The following RNF40 variants were observed in gnomAD, a reference collection of about 807,000 sequenced individuals.
RNF40 encodes the protein E3 ubiquitin-protein ligase BRE1B.
Under a neutral mutation model 123.3 loss-of-function variants are expected in RNF40, and 39 were observed. The observed-to-expected ratio is 0.32, with a 90% CI of 0.24 to 0.41. The LOEUF is 0.41. Among genes scored for constraint, RNF40 ranks in the 10% least tolerant of loss-of-function variants. The probability of loss-of-function intolerance (pLI) is 1.00; values close to 1 mark genes in which losing one functional copy is unlikely to be tolerated. For missense variants in RNF40, 1,003 were observed against 1,319.9 expected (o/e 0.76, Z 3.72); for synonymous variants, 538 against 526.0 (o/e 1.02, Z -0.31).
Position 30,766,031 on chromosome 16 carries a change from CTTGGT to C in RNF40, c.994-127_994-123del, listed in dbSNP as rs1398177461. 9 of 1,289,144 alleles carry C rather than the reference CTTGGT, an allele frequency of 7.0e-6. No homozygotes were observed. The highest frequency in any genetic ancestry group is 9.8e-6 in the Non-Finnish European group (9 of 915,036). The allele number at this position is 1,289,144 out of a possible 1,614,324, so 79.9% of individuals were successfully genotyped here. A position where few individuals can be genotyped will look rare whatever the true frequency, so the allele number is the denominator to read the frequency against. ...TTTTCTGGGAGCCCTTAGGAAAGTA[CTTGGT>C]TTGGGGTGTCAGAATCGATCATTGC... On this transcript the variant is annotated intron_variant, in intron 8 of 19. Coordinates refer to ENST00000324685, the MANE Select transcript of RNF40 (RefSeq NM_014771.4). This position sits in a 1 kb window ranked among gnomAD's most constrained non-coding sequence, Gnocchi z 5.4.
chr16:30,765,101 A>G, intron 6 of RNF40, 42 bp downstream of exon 6: 2 of 1,611,706 alleles, frequency 1.2e-6, no homozygotes, highest in South Asian at 1.1e-5. Context: ...AGAATCAGGC[A>G]GGATTTGGGT....
chr16:30,771,859 G>A lies in RNF40; in HGVS notation c.2613G>A (p.Glu871=). The A allele has an allele frequency of 6.2e-7, 1 of 1,600,602 alleles. No homozygotes were observed. Among genetic ancestry groups the A allele is most frequent in the Non-Finnish European group, 8.5e-7 (1 of 1,172,102 alleles). ...CTGTAGAAGCCGCCCAGCTGGCCGA[G>A]GACCTGAAGGTGCAGCTGGAGCACG... ...RKAVEAAQLA[E]DLKVQLEHVQ... The change falls in exon 18 of 20, where the codon GAG becomes GAA. Residue 871 remains glutamate, a synonymous_variant. Transcript: ENST00000324685.
Position 30,774,441 on chromosome 16 carries a change from C to G in RNF40, c.*327C>G. 3.4e-6 allele frequency: 1 copy of G among 293,408 alleles called. No individual in the cohort carries two copies. The highest frequency in any genetic ancestry group is 6.4e-6 in the Non-Finnish European group (1 of 155,768). The allele number at this position is 293,408 out of a possible 1,614,324, so 18.2% of individuals were successfully genotyped here. On this transcript the variant is annotated 3_prime_UTR_variant, in exon 20 of 20. Transcript: ENST00000324685. ...ACCTGTCTGTCTCCGTGGATGCATC[C>G]TAACCCTAAGGAAAATTCCCCAGGC...
rs766676832 is a variant in RNF40 at position 30,774,086 on chromosome 16, A to G, written c.2978A>G (p.His993Arg). 1 of 1,613,868 alleles carries G rather than the reference A, an allele frequency of 6.2e-7. No homozygotes were observed. The highest frequency in any genetic ancestry group is 1.1e-5 in the South Asian group (1 of 91,070). Residue 993 changes from histidine (H) to arginine (R), a missense_variant, in exon 20 of 20, where the codon CAC becomes CGC. Physicochemically the swap from His to Arg is conservative, Grantham distance 29 (BLOSUM62 0). Around this residue, in one of 11 missense-constraint regions of RNF40, gnomAD observed 76 missense variants for 134.1 expected, o/e 0.57. Coordinates refer to ENST00000324685, the MANE Select transcript of RNF40 (RefSeq NM_014771.4). ...AAGTGCAACGCGGCCTTTGGTGCCC[A>G]CGACTTCCATCGTATCTACATCAGC... is the stretch of plus-strand genomic sequence containing the variant. ...CPKCNAAFGA[H>R]DFHRIYIS
At chr16:30,767,579 A>G (rs1231445022) in intron 11 of RNF40, 1 of 245,442 alleles carries the variant, frequency 4.1e-6, no homozygotes, top group Non-Finnish European at 8.0e-6. Flanking sequence ...CCAAGGTGGG[A>G]GGATCACTTG....
chr16:30,772,377 G>C (rs2054163652), intron 19 of RNF40, 187 bp downstream of exon 19: 1 of 671,994 alleles, frequency 1.5e-6, no homozygotes, highest in South Asian at 1.6e-5. Flanking sequence ...TGCTTGGCTG[G>C]GTGTGGGTTG....
chr16:30,767,777 C>A, intron 11 of RNF40, 117 bp from the exon 12 acceptor site: 1 of 1,386,874 alleles, frequency 7.2e-7, no homozygotes, highest in South Asian at 1.2e-5. Flanking sequence ...CCGTTGAGGC[C>A]GCAATGTTCC....
chr16:30,770,302 G>A (rs1040004641), intron 17 of RNF40, among the ~76,000 whole-genome samples: 1 of 151,894 alleles, frequency 6.6e-6, no homozygotes, highest in South Asian at 2.1e-4. Flanking sequence ...AGTAGAGACA[G>A]GGTTTCGCCA....
At chr16:30,767,661 C>A (rs900780351) in intron 11 of RNF40, 26 of 457,984 alleles carry the variant, frequency 5.7e-5, no homozygotes, top group African/African-American at 3.3e-4. Flanking sequence ...AAACAAAAAA[C>A]CCCACATATT....
chr16:30,764,468 C>A, intron 5 of RNF40, 83 bp downstream of exon 5: 1 of 1,265,444 alleles, frequency 7.9e-7, no homozygotes, highest in Non-Finnish European at 1.1e-6. Flanking sequence ...CCCTAATGCC[C>A]GAGTCCAAGG....
In RNF40 at chr16:30,762,645, G is replaced by C; in HGVS notation, c.100G>C (p.Glu34Gln). 1 of 1,613,094 alleles carries C rather than the reference G, an allele frequency of 6.2e-7. No homozygotes were observed. Among genetic ancestry groups the C allele is most frequent in the Non-Finnish European group, 8.5e-7 (1 of 1,179,850 alleles). The change falls in exon 2 of 20, where the codon GAG becomes CAG. Residue 34 changes from glutamate (E) to glutamine (Q), a missense_variant. By Grantham distance (29) the Glu-to-Gln change is conservative (BLOSUM62 2). Transcript: ENST00000324685. ...GGAGAAGACCACCACGACTCTTATC[G>C]AGCCCATTCGTCTTGGAGGCATCTC... ...REEKTTTTLI[E>Q]PIRLGGISST...
At chr16:30,770,422 AGCC>A (rs2054127920) in intron 17 of RNF40, among the ~76,000 whole-genome samples, 1 of 151,876 alleles carries the variant, frequency 6.6e-6, no homozygotes, top group Non-Finnish European at 1.5e-5. Flanking sequence ...TTTTGTTTTT[AGCC>A]TCGTTTTATA....
Position 30,772,346 on chromosome 16 carries a change from T to C in RNF40, c.2829+156T>C, listed in dbSNP as rs1053317254. 24 of 725,930 alleles carry C rather than the reference T, an allele frequency of 3.3e-5. No homozygotes were observed. The African/African-American group carries it at 3.6e-4, about 11-fold the overall frequency. 45.0% of individuals were successfully genotyped at this position (725,930 alleles called of 1,614,324 possible). ...AGAGTCAAATGCTGTTTGCTGTACA[T>C]GTACTGTGAGCCAGGCACAGTGCTT... On this transcript the variant is annotated intron_variant, in intron 19 of 19. Transcript: ENST00000324685.
chr16:30,762,409 G>A, intron 1 of RNF40, 49 bp downstream of exon 1: 1 of 923,924 alleles, frequency 1.1e-6, no homozygotes, highest in Non-Finnish European at 1.6e-6. Flanking sequence ...GTGTGTGCAG[G>A]GTGGAGGGTG....
rs750722518 is a variant in RNF40, at chr16:30,775,337, C to T, written c.*1223C>T. On this transcript the variant is annotated 3_prime_UTR_variant, in exon 20 of 20. Coordinates refer to ENST00000324685, the MANE Select transcript of RNF40 (RefSeq NM_014771.4). ...CCCGGACTGGGCCTGAAGGGGAGAG[C>T]GTGGTGGTCGTCGCGGAGCCGCCTG... 5 of 287,938 alleles carry T rather than the reference C, an allele frequency of 1.7e-5. No individual in the cohort carries two copies. The highest frequency in any genetic ancestry group is 3.4e-5 in the Non-Finnish European group (5 of 147,038). 17.8% of individuals were successfully genotyped at this position (287,938 alleles called of 1,614,324 possible).
rs1315576776 is a variant in RNF40, at chr16:30,762,351, C to A, written c.-81C>A. On this transcript the variant is annotated 5_prime_UTR_variant, in exon 1 of 20. Transcript: ENST00000324685. ...TCCAAGATGGCGGCGCTAGGCTGACCCTCCTGCTGGTGAGGGCTCTGGCGC... is the reference window on the plus strand; with the variant it reads ...TCCAAGATGGCGGCGCTAGGCTGACACTCCTGCTGGTGAGGGCTCTGGCGC... 4.8e-5 allele frequency: 27 copies of A among 561,922 alleles called. 1 individual carries two copies. The highest frequency in any genetic ancestry group is 2.4e-4 in the South Asian group (9 of 37,472). The allele number at this position is 561,922 out of a possible 1,614,324, so 34.8% of individuals were successfully genotyped here. A position where few individuals can be genotyped will look rare whatever the true frequency, so the allele number is the denominator to read the frequency against.
At chr16:30,761,739 G>C (rs764782404), upstream of RNF40, 5 of 1,523,164 alleles carry the variant, frequency 3.3e-6, no homozygotes, top group South Asian at 3.6e-5. Context: ...CTGGTCTTGC[G>C]GTTGAGCATC....
rs777157194 is a variant in RNF40, at chr16:30,762,699, C to T, written c.132+22C>T. On this transcript the variant is annotated intron_variant, in intron 2 of 19. Coordinates refer to ENST00000324685, the MANE Select transcript of RNF40 (RefSeq NM_014771.4). ...CACGGTTCGTGGGCTCTTGCCTTAA[C>T]CCTCAGAACTTCCCAGAGCCCTCCC... is the stretch of plus-strand genomic sequence containing the variant. The T allele has an allele frequency of 5.0e-6, 8 of 1,608,382 alleles. No homozygotes were observed. In the East Asian group the frequency reaches 1.1e-4, roughly 22 times the overall value.
At chr16:30,762,975 C>T (rs952209101) in intron 2 of RNF40, 143 bp from the exon 3 acceptor site, 11 of 952,562 alleles carry the variant, frequency 1.2e-5, no homozygotes, top group African/African-American at 9.9e-5. Flanking sequence ...GTTGTCTGAG[C>T]CTCCTTAGAT....
Sources: gnomAD v4.1 joint callset for allele counts (sites outside exome capture counted in the v4.1 genomes callset) on GRCh38, gnomAD v4.1.1 for gene constraint, gnomAD v4.1.1 regional missense constraint, Gnocchi (gnomAD v3.1) non-coding constraint, MANE v1.5 for transcripts, NCBI Gene and HGNC (gene_info 2026-07-23, HGNC 2026-07-21) for gene names.